ZNF251: variants seen among roughly 807,000 people sequenced by gnomAD.
The protein encoded by ZNF251 is zinc finger protein 251.
In ZNF251, 14 loss-of-function variants were observed where a neutral mutation model predicts 13.5. The observed-to-expected ratio is 1.04, with a 90% CI of 0.69 to 1.63. The LOEUF is 1.63. ZNF251 is among the 40% of genes most tolerant of loss of function. The pLI, the probability that ZNF251 is intolerant of heterozygous loss-of-function variation, is 0.00. For synonymous variants in ZNF251, 287 were observed against 295.2 expected (o/e 0.97, Z 0.28); for missense variants, 764 against 834.9 (o/e 0.92, Z 1.05).
chr8:144,727,925 GTC>G (rs1200901236), intron 4 of ZNF251, among the ~76,000 whole-genome samples: 1 of 152,112 alleles, frequency 6.6e-6, no homozygotes, highest in Non-Finnish European at 1.5e-5. Context: ...CGATCCTCCT[GTC>G]TCAGCCTCCT....
rs1824903351 is a variant in ZNF251, at chr8:144,755,215, G to A, written c.-76+190C>T. 5 of 1,171,828 alleles carry A rather than the reference G, an allele frequency of 4.3e-6. No individual in the cohort carries two copies. In the South Asian group the frequency reaches 6.4e-5, roughly 15 times the overall value. 72.6% of individuals were successfully genotyped at this position (1,171,828 alleles called of 1,614,324 possible). On this transcript the variant is annotated intron_variant, in intron 1 of 4. Transcript: ENST00000292562. ...TCCGGGGAGAGGCCGGAAGCCAGCT[G>A]TGGTCCTCAGTCCAGCCTTCTAGGG...
intron 4 of ZNF251, among the ~76,000 whole-genome samples, chr8:144,748,080 CTTTTT>C (rs371744692): frequency 2.1e-5 from 3 of 145,322 alleles, no homozygotes; most frequent in African/African-American, 7.5e-5. Context: ...GACAACCTCA[CTTTTT>C]TTTTTTGAGA....
At chr8:144,723,707 C>T (rs374377412) in intron 4 of ZNF251, among the ~76,000 whole-genome samples, 132 of 152,284 alleles carry the variant, frequency 8.7e-4, no homozygotes, top group African/African-American at 2.9e-3. Flanking sequence ...AGTCTCTGAT[C>T]TCATGAAGCT....
At position 144,755,471 on chromosome 8, in the gene ZNF251, G is replaced by T; in HGVS notation, c.-142C>A. On this transcript the variant is annotated 5_prime_UTR_variant, in exon 1 of 5. Transcript: ENST00000292562. ...GAGCTGCGCAGTCGCACCGAGCCCG[G>T]AACGGACCCTCCCACAGAACCGGGT... 1 of 1,287,550 alleles carries T rather than the reference G, an allele frequency of 7.8e-7. No homozygotes were observed. The highest frequency in any genetic ancestry group is 1.2e-5 in the South Asian group (1 of 80,920). 79.8% of individuals were successfully genotyped at this position (1,287,550 alleles called of 1,614,324 possible).
At chr8:144,749,746 C>G (rs1185081162) in intron 4 of ZNF251, among the ~76,000 whole-genome samples, 1 of 152,172 alleles carries the variant, frequency 6.6e-6, no homozygotes, top group African/African-American at 2.4e-5. Flanking sequence ...TACAAGTCCA[C>G]TTTCAAATAA....
intron 4 of ZNF251, among the ~76,000 whole-genome samples, chr8:144,729,737 T>C (rs1823637800): frequency 6.6e-6 from 1 of 152,102 alleles, no homozygotes. Flanking sequence ...GGCTCGCGCC[T>C]GTGATCCCCG....
At chr8:144,724,755 A>G (rs185571967) in intron 4 of ZNF251, among the ~76,000 whole-genome samples, 414 of 152,348 alleles carry the variant, frequency 2.7e-3, no homozygotes, top group African/African-American at 8.9e-3. Context: ...ATTATAATAG[A>G]AAGATATATA....
chr8:144,752,922 ATACT>A (rs1033706132), intron 4 of ZNF251, among the ~76,000 whole-genome samples: 11 of 152,136 alleles, frequency 7.2e-5, no homozygotes, highest in Admixed American at 5.9e-4. Context: ...GTCAAAGATA[ATACT>A]TACAGCTGAC....
intron 4 of ZNF251, among the ~76,000 whole-genome samples, chr8:144,728,811 C>T (rs1200699426): frequency 6.6e-6 from 1 of 152,118 alleles, no homozygotes; most frequent in Non-Finnish European, 1.5e-5. Context: ...AAATGTTCGC[C>T]AGGCGCAGTG....
intron 4 of ZNF251, among the ~76,000 whole-genome samples, chr8:144,746,433 G>A (rs1442439749): frequency 2.0e-5 from 3 of 152,192 alleles, no homozygotes; most frequent in Admixed American, 6.5e-5. Context: ...CATAAGAGGT[G>A]TCTGTCTGTA....
intron 4 of ZNF251, among the ~76,000 whole-genome samples, chr8:144,732,661 A>T (rs1296592755): frequency 2.0e-5 from 3 of 151,884 alleles, no homozygotes; most frequent in Admixed American, 1.3e-4. Context: ...AAATACAAAA[A>T]ATTAGCTGGG....
chr8:144,754,070 T>G, intron 3 of ZNF251, 122 bp downstream of exon 3: 1 of 1,372,414 alleles, frequency 7.3e-7, no homozygotes, highest in East Asian at 2.5e-5. Flanking sequence ...TCTGTAGAGA[T>G]CAGACTGATA....
intron 4 of ZNF251, among the ~76,000 whole-genome samples, chr8:144,751,956 G>A (rs908431234): frequency 1.3e-5 from 2 of 151,952 alleles, no homozygotes; most frequent in East Asian, 1.9e-4. Context: ...TATTACCAGA[G>A]ACAAACAGGA....
At chr8:144,730,998 T>C (rs991017294) in intron 4 of ZNF251, among the ~76,000 whole-genome samples, 1 of 151,974 alleles carries the variant, frequency 6.6e-6, no homozygotes, top group African/African-American at 2.4e-5. Context: ...CGCAGACACA[T>C]GGGATTAAGA....
At chr8:144,754,431 T>C (rs952949656) in intron 2 of ZNF251, 110 bp from the exon 3 acceptor site, 29 of 1,453,106 alleles carry the variant, frequency 2.0e-5, no homozygotes, top group African/African-American at 1.4e-4. Context: ...CTGTGGTCAG[T>C]ATGAACTGTG....
In ZNF251 at chr8:144,723,156, A is replaced by G; in HGVS notation, c.504T>C (p.Ala168=). 1 of 1,612,872 alleles carries G rather than the reference A, an allele frequency of 6.2e-7. No individual in the cohort carries two copies. Among genetic ancestry groups the G allele is most frequent in the African/African-American group, 1.3e-5 (1 of 74,970 alleles). ...PNIHKRVLTE[A]TVGRERSLGE... ...CCAAAGATCTTTCCCTGCCCACGGT[A>G]GCTTCTGTTAAAACTCTCTTGTGAA... Residue 168 remains alanine, a synonymous_variant, in exon 5 of 5, where the codon GCT becomes GCC. Coordinates refer to ENST00000292562, the MANE Select transcript of ZNF251 (RefSeq NM_138367.2).
chr8:144,755,362 G>T (rs1364612097), intron 1 of ZNF251, 43 bp downstream of exon 1: 12 of 1,284,358 alleles, frequency 9.3e-6, no homozygotes, highest in Non-Finnish European at 1.2e-5. Context: ...CTCCCCGCCT[G>T]CCTGCCCGCT....
At chr8:144,749,976 G>GCA (rs1349816986) in intron 4 of ZNF251, among the ~76,000 whole-genome samples, 1 of 150,548 alleles carries the variant, frequency 6.6e-6, no homozygotes, top group Admixed American at 6.6e-5. Context: ...ACACTATGAG[G>GCA]AGTTGCAAAT....
chr8:144,738,631 T>C, intron 4 of ZNF251: 1 of 985,462 alleles, frequency 1.0e-6, no homozygotes, highest in Non-Finnish European at 1.2e-6. Flanking sequence ...AACTGCCTTC[T>C]GCCCATAGAT....
Sources: allele counts gnomAD v4.1 joint callset (sites outside exome capture counted in the v4.1 genomes callset), GRCh38; gene constraint gnomAD v4.1.1; transcripts MANE v1.5; gene names NCBI Gene and HGNC (gene_info 2026-07-23, HGNC 2026-07-21).